Variants in PTPRD observed in about 807,000 individuals in gnomAD.
PTPRD encodes protein tyrosine phosphatase receptor type D.
In PTPRD, 34 loss-of-function variants were observed where a neutral mutation model predicts 214.5. The observed-to-expected ratio is 0.16, with a 90% CI of 0.12 to 0.21. The LOEUF is 0.21. Ranked by LOEUF, PTPRD falls within the 10% of genes least tolerant of loss-of-function variation. The pLI, the probability that PTPRD is intolerant of heterozygous loss-of-function variation, is 1.00. For missense variants in PTPRD, 2,545 were observed against 2,398.7 expected (o/e 1.06, Z -1.27); for synonymous variants, 1,128 against 845.7 (o/e 1.33, Z -5.79).
chr9:9,893,321 G>A (rs1180671474), intron 5 of PTPRD, among the ~76,000 whole-genome samples: 1 of 151,970 alleles, frequency 6.6e-6, no homozygotes, highest in Non-Finnish European at 1.5e-5. Flanking sequence ...CCAATTAAAA[G>A]ACACAGAGTG....
chr9:9,019,857 C>T (rs964413171), intron 10 of PTPRD, among the ~76,000 whole-genome samples: 2 of 152,160 alleles, frequency 1.3e-5, no homozygotes, highest in African/African-American at 2.4e-5. Flanking sequence ...GGCATTTTCT[C>T]AGTGATTTTC....
chr9:9,785,984 T>C (rs1597759699), intron 5 of PTPRD, among the ~76,000 whole-genome samples: 1 of 152,332 alleles, frequency 6.6e-6, no homozygotes, highest in Non-Finnish European at 1.5e-5. Context: ...ATTACCACTT[T>C]GCTAATGTTA....
rs561882911 is a variant in PTPRD, at chr9:8,663,283, C to CTT, written c.65-26441_65-26440dup. On this transcript the variant is annotated intron_variant, in intron 12 of 45. Coordinates refer to ENST00000381196, the MANE Select transcript of PTPRD (RefSeq NM_002839.4). The stretch of plus-strand genomic sequence containing the variant: ...ACGAAACTAGTATTGAGATAATTGG[C>CTT]TTTTTTTTTTTTTAATTCTGGGTCC... 2.0e-3 allele frequency among the ~76,000 whole-genome samples: 276 copies of CTT among 137,226 alleles called. 1 individual carries two copies. The highest frequency in any genetic ancestry group is 7.0e-3 in the African/African-American group (265 of 37,690). 90.0% of individuals were successfully genotyped at this position (137,226 alleles called of 152,430 possible).
intron 14 of PTPRD, among the ~76,000 whole-genome samples, chr9:8,533,917 T>C (rs1307337457): frequency 1.3e-5 from 2 of 152,054 alleles, no homozygotes; most frequent in Non-Finnish European, 2.9e-5. Flanking sequence ...GAAACAGTCA[T>C]TCTTCAACTG....
At chr9:8,701,961 T>A (rs1177141129) in intron 12 of PTPRD, among the ~76,000 whole-genome samples, 1 of 152,222 alleles carries the variant, frequency 6.6e-6, no homozygotes, top group Non-Finnish European at 1.5e-5. Flanking sequence ...TCCTGATAAA[T>A]CAGGGTTTAT....
At chr9:10,463,004 T>A (rs1407107685) in intron 2 of PTPRD, among the ~76,000 whole-genome samples, 24 of 150,670 alleles carry the variant, frequency 1.6e-4, no homozygotes, top group Admixed American at 1.1e-3. Context: ...TATGCCATAC[T>A]CATTTGAGTA....
At chr9:8,530,814 A>T in intron 14 of PTPRD, among the ~76,000 whole-genome samples, 1 of 152,128 alleles carries the variant, frequency 6.6e-6, no homozygotes, top group East Asian at 1.9e-4. Context: ...CCCAAGAAAG[A>T]GAAATTTCAC....
chr9:10,189,570 G>A (rs574409737), intron 3 of PTPRD, among the ~76,000 whole-genome samples: 1 of 152,274 alleles, frequency 6.6e-6, no homozygotes, highest in South Asian at 2.1e-4. Flanking sequence ...TTAAAAGGAA[G>A]TGTGCATGCG....
intron 10 of PTPRD, among the ~76,000 whole-genome samples, chr9:9,070,965 T>C (rs745367832): frequency 6.6e-6 from 1 of 152,050 alleles, no homozygotes; most frequent in African/African-American, 2.4e-5. Context: ...GTGCAGGCTG[T>C]AGTGCAGTGC....
intron 3 of PTPRD, among the ~76,000 whole-genome samples, chr9:10,138,572 A>G (rs2098959317): frequency 6.6e-6 from 1 of 152,110 alleles, no homozygotes; most frequent in Non-Finnish European, 1.5e-5. Flanking sequence ...TATGAAGCCA[A>G]CATCATCCTG....
intron 3 of PTPRD, among the ~76,000 whole-genome samples, chr9:10,269,026 C>G (rs551063870): frequency 4.4e-4 from 67 of 152,250 alleles, no homozygotes; most frequent in African/African-American, 1.6e-3. Flanking sequence ...CAAATATCCC[C>G]TGGGACAAAA....
intron 9 of PTPRD, among the ~76,000 whole-genome samples, chr9:9,325,456 T>C (rs537279387): frequency 6.6e-6 from 1 of 152,282 alleles, no homozygotes; most frequent in Admixed American, 6.5e-5. Flanking sequence ...TTGTAGCCAT[T>C]GTGAATGAGA....
chr9:10,442,995 A>G (rs2098771155), intron 2 of PTPRD, among the ~76,000 whole-genome samples: 1 of 151,300 alleles, frequency 6.6e-6, no homozygotes, highest in African/African-American at 2.4e-5. Context: ...GGGATCAAGT[A>G]GAATTTTCTC....
chr9:10,567,528 G>T (rs1036356030), intron 2 of PTPRD, among the ~76,000 whole-genome samples: 1 of 152,128 alleles, frequency 6.6e-6, no homozygotes, highest in African/African-American at 2.4e-5. Context: ...AGCAGGTCAG[G>T]TTGTATTAGA....
intron 8 of PTPRD, among the ~76,000 whole-genome samples, chr9:9,560,282 T>C (rs1487367333): frequency 1.3e-5 from 2 of 152,182 alleles, no homozygotes; most frequent in African/African-American, 4.8e-5. Flanking sequence ...CTGGACCTAA[T>C]AGCTTCTCAT....
intron 10 of PTPRD, among the ~76,000 whole-genome samples, chr9:9,157,606 G>C (rs1359310799): frequency 1.3e-5 from 2 of 152,076 alleles, no homozygotes; most frequent in African/African-American, 4.8e-5. Context: ...AATGAGGAAG[G>C]AGATTGAATC....
chr9:8,693,075 T>C (rs186958205), intron 12 of PTPRD, among the ~76,000 whole-genome samples: 32 of 152,174 alleles, frequency 2.1e-4, no homozygotes, highest in Non-Finnish European at 3.5e-4. Context: ...AACTCTATGA[T>C]TGTTAGGCCT....
chr9:8,747,459 G>A (rs1185183802), intron 11 of PTPRD, among the ~76,000 whole-genome samples: 1 of 152,058 alleles, frequency 6.6e-6, no homozygotes, highest in East Asian at 1.9e-4. Context: ...AGAGGTGGCA[G>A]TCTTACACTG....
At chr9:9,744,970 T>G (rs2098442776) in intron 6 of PTPRD, among the ~76,000 whole-genome samples, 2 of 152,164 alleles carry the variant, frequency 1.3e-5, no homozygotes, top group Admixed American at 6.6e-5. Context: ...AGCATTTTCT[T>G]GAATCTCATT....
Sources: allele counts gnomAD v4.1 joint callset (sites outside exome capture counted in the v4.1 genomes callset), GRCh38; gene constraint gnomAD v4.1.1; transcripts MANE v1.5; gene names NCBI Gene and HGNC (gene_info 2026-07-23, HGNC 2026-07-21).